ADK: variants seen among roughly 807,000 people sequenced by gnomAD.
ADK encodes the protein N6,N6-dimethyladenosine kinase.
Under a neutral mutation model 44.7 loss-of-function variants are expected in ADK, and 24 were observed. That is an observed-to-expected ratio of 0.54 (90% CI 0.39 to 0.76). ADK has a LOEUF of 0.76. Among genes scored for constraint, ADK ranks in the 30% least tolerant of loss-of-function variants. ADK has a pLI of 0.00. For synonymous variants in ADK, 128 were observed against 142.6 expected (o/e 0.90, Z 0.73); for missense variants, 321 against 425.1 (o/e 0.76, Z 2.15).
Position 74,254,098 on chromosome 10 carries a change from C to A in ADK, c.194+29507C>A, listed in dbSNP as rs57392794. Among the ~76,000 whole-genome samples the A allele has an allele frequency of 2.7e-3, 416 of 152,130 alleles. 1 individual carries two copies. Among genetic ancestry groups the A allele is most frequent in the African/African-American group, 9.5e-3 (395 of 41,504 alleles). Reference sequence around the variant, plus strand: ...GTCAGTACTAAAAATTGATCAAACACAGTAGTAAAAAGATAAAATTATCTT... The same window carrying A: ...GTCAGTACTAAAAATTGATCAAACAAAGTAGTAAAAAGATAAAATTATCTT... On this transcript the variant is annotated intron_variant, in intron 3 of 10. Coordinates refer to ENST00000539909, the MANE Select transcript of ADK (RefSeq NM_006721.4).
intron 4 of ADK, among the ~76,000 whole-genome samples, chr10:74,356,264 C>G (rs1049852898): frequency 6.6e-6 from 1 of 150,812 alleles, no homozygotes; most frequent in African/African-American, 2.4e-5. Context: ...ATGATCCACC[C>G]GCCTCGGCCT....
intron 1 of ADK, among the ~76,000 whole-genome samples, chr10:74,195,820 G>A (rs1457026397): frequency 6.7e-6 from 1 of 150,016 alleles, no homozygotes; most frequent in Non-Finnish European, 1.5e-5. Flanking sequence ...GGGGCTATAG[G>A]CACATGCCAC....
At chr10:74,654,075 A>G (rs1854386852) in intron 9 of ADK, among the ~76,000 whole-genome samples, 1 of 152,222 alleles carries the variant, frequency 6.6e-6, no homozygotes, top group Non-Finnish European at 1.5e-5. Context: ...TTCCATTGCC[A>G]CCATCAACAA....
intron 3 of ADK, among the ~76,000 whole-genome samples, chr10:74,227,885 C>T (rs929170655): frequency 6.6e-6 from 1 of 151,990 alleles, no homozygotes. Flanking sequence ...TGGTGTGTGC[C>T]TGCAGTCCCA....
At chr10:74,592,480 T>G (rs1589278531) in intron 8 of ADK, among the ~76,000 whole-genome samples, 8 of 152,202 alleles carry the variant, frequency 5.3e-5, no homozygotes, top group Admixed American at 5.2e-4. Context: ...CTCTATCTTT[T>G]CATTGTCTCT....
chr10:74,624,811 A>C (rs1051472250), intron 9 of ADK, among the ~76,000 whole-genome samples: 5 of 152,070 alleles, frequency 3.3e-5, no homozygotes, highest in African/African-American at 1.2e-4. Flanking sequence ...TAGATATTTA[A>C]ACAAAAATAT....
At chr10:74,355,778 CTT>C (rs1165217711) in intron 4 of ADK, among the ~76,000 whole-genome samples, 2 of 152,022 alleles carry the variant, frequency 1.3e-5, no homozygotes, top group Non-Finnish European at 2.9e-5. Context: ...TATATAAAGA[CTT>C]AGGTTTCCTC....
chr10:74,349,549 A>C (rs1313308168), intron 4 of ADK, among the ~76,000 whole-genome samples: 1 of 152,204 alleles, frequency 6.6e-6, no homozygotes, highest in Non-Finnish European at 1.5e-5. Flanking sequence ...GACAGGATCA[A>C]ATTCATGTAT....
rs117217771 is a variant in ADK, at chr10:74,436,070, A to G, written c.555+37491A>G. Among the ~76,000 whole-genome samples, 29 of 152,348 alleles carry G rather than the reference A, an allele frequency of 1.9e-4. No homozygotes were observed. In the East Asian group the frequency reaches 5.4e-3, roughly 28 times the overall value. On this transcript the variant is annotated intron_variant, in intron 6 of 10. Transcript: ENST00000539909. Reference sequence around the variant, plus strand: ...TCTCAACTCATTTAAAAGCAAATGCATACAGCAATTTGTGTATAATTGTAT... The same window carrying G: ...TCTCAACTCATTTAAAAGCAAATGCGTACAGCAATTTGTGTATAATTGTAT...
chr10:74,504,616 T>C (rs537540882), intron 6 of ADK, among the ~76,000 whole-genome samples: 1 of 152,358 alleles, frequency 6.6e-6, no homozygotes, highest in African/African-American at 2.4e-5. Context: ...GGTTTGGCTC[T>C]GCTTCCCCAC....
intron 4 of ADK, among the ~76,000 whole-genome samples, chr10:74,388,495 A>G (rs551351296): frequency 6.6e-6 from 1 of 152,318 alleles, no homozygotes; most frequent in African/African-American, 2.4e-5. Context: ...ATCCATGTAC[A>G]TAATATAGCT....
intron 2 of ADK, among the ~76,000 whole-genome samples, chr10:74,201,479 G>C (rs916518890): frequency 6.6e-6 from 1 of 152,052 alleles, no homozygotes; most frequent in African/African-American, 2.4e-5. Flanking sequence ...CATGCACCAC[G>C]TCCACATAAC....
At chr10:74,372,747 T>G (rs572633013) in intron 4 of ADK, among the ~76,000 whole-genome samples, 46 of 152,258 alleles carry the variant, frequency 3.0e-4, no homozygotes, top group African/African-American at 1.1e-3. Flanking sequence ...TTTGAAAAGA[T>G]TTAATATTTT....
chr10:74,251,373 T>A (rs1472018836), intron 3 of ADK, among the ~76,000 whole-genome samples: 2 of 152,194 alleles, frequency 1.3e-5, no homozygotes, highest in African/African-American at 4.8e-5. Context: ...ATATTGGAGG[T>A]AGAATCAATA....
Position 74,183,667 on chromosome 10 carries a change from CA to C in ADK, c.66-17096del, listed in dbSNP as rs570049397. ...CTGGGATTACAAGCGTGTGCCACCACACCTGGCTGATTTTGCATTTTTAGTA... is the reference window on the plus strand; with the variant it reads ...CTGGGATTACAAGCGTGTGCCACCACCCTGGCTGATTTTGCATTTTTAGTA... On this transcript the variant is annotated intron_variant, in intron 1 of 10. Coordinates refer to ENST00000539909, the MANE Select transcript of ADK (RefSeq NM_006721.4). 9.6e-4 allele frequency among the ~76,000 whole-genome samples: 146 copies of C among 151,884 alleles called. 1 individual carries two copies. Among genetic ancestry groups the C allele is most frequent in the African/African-American group, 3.3e-3 (136 of 41,408 alleles).
At chr10:74,199,347 C>T (rs2132145701) in intron 1 of ADK, among the ~76,000 whole-genome samples, 1 of 152,308 alleles carries the variant, frequency 6.6e-6, no homozygotes, top group Middle Eastern at 3.4e-3. Context: ...CTGTCTCCCT[C>T]CCTGATTTTG....
chr10:74,445,521 T>G (rs1179335362), intron 6 of ADK, among the ~76,000 whole-genome samples: 3 of 152,024 alleles, frequency 2.0e-5, no homozygotes, highest in Non-Finnish European at 4.4e-5. Flanking sequence ...TAATACTTTT[T>G]AAGTGCCTTT....
intron 4 of ADK, among the ~76,000 whole-genome samples, chr10:74,336,425 T>C (rs895007167): frequency 7.9e-5 from 12 of 152,206 alleles, no homozygotes; most frequent in Non-Finnish European, 1.8e-4. Context: ...TTACTGTAGC[T>C]TAATGTGTTT....
chr10:74,198,893 G>T (rs1271548588), intron 1 of ADK, among the ~76,000 whole-genome samples: 3 of 152,086 alleles, frequency 2.0e-5, no homozygotes, highest in Non-Finnish European at 4.4e-5. Context: ...CATCTGAAAT[G>T]AATCCTTATA....
Sources: allele counts gnomAD v4.1 joint callset (sites outside exome capture counted in the v4.1 genomes callset), GRCh38; gene constraint gnomAD v4.1.1; transcripts MANE v1.5; gene names NCBI Gene and HGNC (gene_info 2026-07-23, HGNC 2026-07-21).